Variants in JAG2 observed in about 807,000 individuals in gnomAD.
JAG2 encodes the protein jagged canonical Notch ligand 2.
JAG2 carries 46 observed loss-of-function variants against 141.7 expected under a neutral mutation model. The ratio of observed to expected loss-of-function variants is 0.32; its 90% CI spans 0.26 to 0.42. JAG2 has a LOEUF of 0.42. Among genes scored for constraint, JAG2 ranks in the 10% least tolerant of loss-of-function variants. The pLI, the probability that JAG2 is intolerant of heterozygous loss-of-function variation, is 1.00. For synonymous variants in JAG2, 862 were observed against 763.5 expected, an observed-to-expected ratio of 1.13 and a Z score of -2.13; for missense variants, 1,500 against 1,817.5, an observed-to-expected ratio of 0.83 and a Z score of 3.18.
intron 3 of JAG2, 121 bp from the exon 4 acceptor site, chr14:105,156,110 C>A: frequency 7.6e-7 from 1 of 1,314,678 alleles, no homozygotes; most frequent in Non-Finnish European, 1.0e-6. Flanking sequence ...CAGCAGGCAG[C>A]AGCACACGGA....
chr14:105,146,060 G>A (rs866917173), intron 22 of JAG2, 87 bp from the exon 23 acceptor site: 41 of 1,535,742 alleles, frequency 2.7e-5, no homozygotes, highest in Middle Eastern at 2.1e-4. Flanking sequence ...AGGCAGGCAC[G>A]GGCCCCATGC....
chr14:105,148,056 G>A, intron 17 of JAG2, 60 bp downstream of exon 17: 1 of 1,399,876 alleles, frequency 7.1e-7, no homozygotes, highest in Non-Finnish European at 9.9e-7. Context: ...TCGCGCCCGA[G>A]GGAGCGGTGC....
chr14:105,157,525 T>A (rs1488624593), intron 3 of JAG2, among the ~76,000 whole-genome samples, 181 bp downstream of exon 3: 1 of 152,114 alleles, frequency 6.6e-6, no homozygotes, highest in African/African-American at 2.4e-5. Context: ...AGAGAGTGCA[T>A]GCACAGCTCT....
chr14:105,167,600 G>A lies in JAG2; in HGVS notation c.417+157C>T, dbSNP rs1888958198. The stretch of plus-strand genomic sequence containing the variant: ...GCCCACGTGGCCAGGCGCGGACCAA[G>A]TCCCCAGAGCACGCGCCCCCTGCCG... On this transcript the variant is annotated intron_variant, in intron 2 of 25. Transcript: ENST00000331782. The surrounding 1 kb of genome is among the most constrained non-coding windows in gnomAD (Gnocchi z 4.8). Among the ~76,000 whole-genome samples, 1 of 148,360 alleles carries A rather than the reference G, an allele frequency of 6.7e-6. No homozygotes were observed. The highest frequency in any genetic ancestry group is 6.7e-5 in the Admixed American group (1 of 14,950).
Position 105,167,162 on chromosome 14 carries a change from G to T in JAG2, c.417+595C>A, listed in dbSNP as rs2239282. Among the ~76,000 whole-genome samples, 1 of 152,044 alleles carries T rather than the reference G, an allele frequency of 6.6e-6. No homozygotes were observed. Among genetic ancestry groups the T allele is most frequent in the East Asian group, 1.9e-4 (1 of 5,168 alleles). ...ACAAAACCAAAAAAACCCACAAACA[G>T]GGCAGTGCCACAGAAGGTCACTGCA... On this transcript the variant is annotated intron_variant, in intron 2 of 25. Coordinates refer to ENST00000331782, the MANE Select transcript of JAG2 (RefSeq NM_002226.5). The surrounding 1 kb of genome is among the most constrained non-coding windows in gnomAD (Gnocchi z 4.8).
At chr14:105,162,797 CTCAGGGCACT>C (rs1888795016) in intron 2 of JAG2, among the ~76,000 whole-genome samples, 1 of 147,486 alleles carries the variant, frequency 6.8e-6, no homozygotes, top group Non-Finnish European at 1.5e-5. Context: ...CACCCCAAAG[CTCAGGGCACT>C]CCAGGTCCAG....
chr14:105,148,539 GA>G (rs1338024873), intron 15 of JAG2, 100 bp from the exon 16 acceptor site: 7 of 902,830 alleles, frequency 7.8e-6, no homozygotes, highest in Middle Eastern at 3.2e-4. Flanking sequence ...TGAGGACAGA[GA>G]GGGGCGGGGG....
Position 105,168,631 on chromosome 14 carries a change from T to C in JAG2, c.-211A>G, listed in dbSNP as rs1889003171. 6.9e-6 allele frequency: 1 copy of C among 144,300 alleles called. No homozygotes were observed. The highest frequency in any genetic ancestry group is 1.5e-5 in the Non-Finnish European group (1 of 65,162). The allele number at this position is 144,300 out of a possible 1,614,324, so 8.9% of individuals were successfully genotyped here. ...GCGGGCGTGCAGGGGCGGCGGCAGC[T>C]CCGGCTCGCTGGCGGCCGCGCTCCG... On this transcript the variant is annotated 5_prime_UTR_variant, in exon 1 of 26. Coordinates refer to ENST00000331782, the MANE Select transcript of JAG2 (RefSeq NM_002226.5).
Position 105,143,183 on chromosome 14 carries a change from G to A in JAG2, c.3242-13C>T, listed in dbSNP as rs761695946. ...GGCACCAGCAGACCTGGGGACCGGG[G>A]AGAAGAGCCGGTGGGCAATGAGGCC... On this transcript the variant is annotated splice_polypyrimidine_tract_variant and intron_variant, in intron 25 of 25. Transcript: ENST00000331782. 1.9e-6 allele frequency: 3 copies of A among 1,594,600 alleles called. No individual in the cohort carries two copies. The highest frequency in any genetic ancestry group is 2.5e-6 in the Non-Finnish European group (3 of 1,178,036).
chr14:105,152,149 C>A lies in JAG2; in HGVS notation c.919+12G>T, dbSNP rs749645638. 9.3e-6 allele frequency: 15 copies of A among 1,613,590 alleles called. No individual in the cohort carries two copies. Among genetic ancestry groups the A allele is most frequent in the Non-Finnish European group, 1.2e-5 (14 of 1,180,000 alleles). ...ATGGCAGAGCATTAGGCCTGCCGCC[C>A]CCTACCACTACCTTTGTCACAGAGC... On this transcript the variant is annotated intron_variant, in intron 6 of 25. Coordinates refer to ENST00000331782, the MANE Select transcript of JAG2 (RefSeq NM_002226.5).
chr14:105,152,186 G>A lies in JAG2; in HGVS notation c.894C>T (p.Asn298=), dbSNP rs1331370951. The change falls in exon 6 of 26, where the codon AAC becomes AAT. Residue 298 remains asparagine (N), a synonymous_variant. Transcript: ENST00000331782. ...CTTTGTCACAGAGCAGGCCGCCCCAGTTGGTCTCACAGTTGCACTGCCAGG... is the reference window on the plus strand; with the variant it reads ...CTTTGTCACAGAGCAGGCCGCCCCAATTGGTCTCACAGTTGCACTGCCAGG... ...VEPWQCNCET[N]WGGLLCDKDL... The A allele has an allele frequency of 2.5e-6, 4 of 1,613,666 alleles. No homozygotes were observed. The highest frequency in any genetic ancestry group is 3.4e-6 in the Non-Finnish European group (4 of 1,180,020).
chr14:105,150,571 G>C (rs1566763058), intron 12 of JAG2, 33 bp downstream of exon 12: 3 of 1,536,248 alleles, frequency 2.0e-6, no homozygotes, highest in Non-Finnish European at 2.6e-6. Context: ...TCCCAGAGCA[G>C]CAGGTGGGGC....
chr14:105,148,778 G>A lies in JAG2; in HGVS notation c.1987C>T (p.Pro663Ser). ...DEVDAFRCFC[P>S]SGWEGELCDT... ...CAGAGCTCGCCCTCCCAGCCGCTGG[G>A]GCAGAAGCAGCGGAAGGCGTCCACC... Residue 663 changes from proline to serine, a missense_variant, in exon 15 of 26, where the codon CCC becomes TCC. Physicochemically the swap from Pro to Ser is moderately conservative, Grantham distance 74. Transcript: ENST00000331782. 1 of 1,589,988 alleles carries A rather than the reference G, an allele frequency of 6.3e-7. No individual in the cohort carries two copies. Among genetic ancestry groups the A allele is most frequent in the African/African-American group, 1.3e-5 (1 of 74,734 alleles).
At chr14:105,168,295 C>A in intron 1 of JAG2, 60 bp downstream of exon 1, 8 of 702,232 alleles carry the variant, frequency 1.1e-5, no homozygotes, top group Non-Finnish European at 1.4e-5. Context: ...CCGCCCGGCC[C>A]CTAGGGGCGG....
chr14:105,152,314 A>G (rs1367040250), intron 5 of JAG2, 23 bp from the exon 6 acceptor site: 1 of 1,610,932 alleles, frequency 6.2e-7, no homozygotes, highest in African/African-American at 1.3e-5. Context: ...GGAGGGGCGC[A>G]AGACCCAGTG....
rs1210145719 is a variant in JAG2, at chr14:105,150,604, C to T, written c.1602G>A (p.Glu534=). The T allele has an allele frequency of 6.5e-7, 1 of 1,547,812 alleles. No individual in the cohort carries two copies. The highest frequency in any genetic ancestry group is 2.0e-5 in the Admixed American group (1 of 50,920). Residue 534 remains glutamate, a splice_region_variant and synonymous_variant, in exon 12 of 26, where the codon GAG becomes GAA. Transcript: ENST00000331782. ...GGCAGGGTGACCAGGCAGACCTCAC[C>T]TCACAGAGAGGCCCGGAGAAGCCCT... The part of the protein sequence containing the change: ...CPQGFSGPLC[E]VDVDLCEPSP...
intron 14 of JAG2, 33 bp downstream of exon 14, chr14:105,148,904 C>G (rs762149777): frequency 1.9e-6 from 3 of 1,595,924 alleles, no homozygotes; most frequent in Admixed American, 1.7e-5. Context: ...CCAGCCCAGC[C>G]CCACCACCAG....
At chr14:105,151,434 G>C (rs587616669) in intron 8 of JAG2, 38 bp from the exon 9 acceptor site, 1 of 1,578,762 alleles carries the variant, frequency 6.3e-7, no homozygotes, top group Non-Finnish European at 8.7e-7. Flanking sequence ...CTGGCAGTGT[G>C]AGCCGTGGGA....
intron 25 of JAG2, 130 bp from the exon 26 acceptor site, chr14:105,143,300 G>C (rs955916889): frequency 7.6e-7 from 1 of 1,318,222 alleles, no homozygotes; most frequent in Non-Finnish European, 1.1e-6. Flanking sequence ...GCTGGCTCGT[G>C]GGGAGGGTCC....
Sources: gnomAD v4.1 joint callset for allele counts (sites outside exome capture counted in the v4.1 genomes callset) on GRCh38, gnomAD v4.1.1 for gene constraint, Gnocchi (gnomAD v3.1) non-coding constraint, MANE v1.5 for transcripts, NCBI Gene and HGNC (gene_info 2026-07-23, HGNC 2026-07-21) for gene names.